AGBL4: variants seen among roughly 807,000 people sequenced by gnomAD.
The protein encoded by AGBL4 is AGBL carboxypeptidase 4.
Under a neutral mutation model 66.4 loss-of-function variants are expected in AGBL4, and 58 were observed. The observed-to-expected ratio is 0.87, with a 90% confidence interval of 0.71 to 1.09. The LOEUF is 1.09. Ranked by LOEUF, AGBL4 falls within the 50% of genes least tolerant of loss-of-function variation. AGBL4 has a pLI of 0.00. For synonymous variants in AGBL4, 234 were observed against 222.9 expected, an observed-to-expected ratio of 1.05 and a Z score of -0.44; for missense variants, 579 against 631.0, an observed-to-expected ratio of 0.92 and a Z score of 0.88.
chr1:49,715,708 A>G (rs754478787), intron 2 of AGBL4, among the ~76,000 whole-genome samples: 4 of 152,194 alleles, frequency 2.6e-5, no homozygotes, highest in Non-Finnish European at 5.9e-5. Flanking sequence ...TCTAATGACC[A>G]GTGATGATGA....
intron 4 of AGBL4, among the ~76,000 whole-genome samples, chr1:49,094,599 T>C (rs1460573109): frequency 6.6e-6 from 1 of 152,142 alleles, no homozygotes; most frequent in Non-Finnish European, 1.5e-5. Flanking sequence ...CAGTATTTTA[T>C]TGAGGATTTT....
chr1:49,991,353 A>G (rs1231681774), intron 1 of AGBL4, among the ~76,000 whole-genome samples: 2 of 152,146 alleles, frequency 1.3e-5, no homozygotes, highest in East Asian at 3.8e-4. Context: ...CTATATTTCA[A>G]TATATGTATA....
intron 1 of AGBL4, among the ~76,000 whole-genome samples, chr1:50,014,536 CTTTTTTTTTTTTTTTT>C (rs886696766): frequency 9.2e-6 from 1 of 109,028 alleles, no homozygotes; most frequent in Admixed American, 9.6e-5. Flanking sequence ...CAGAGGATTT[CTTTTTTTTTTTTTTTT>C]TTTTTTGGAG....
chr1:49,751,746 C>A (rs191730450), intron 2 of AGBL4, among the ~76,000 whole-genome samples: 1 of 152,230 alleles, frequency 6.6e-6, no homozygotes, highest in Non-Finnish European at 1.5e-5. Flanking sequence ...TAATTACTGC[C>A]TCAATTTCAG....
At chr1:49,619,232 C>A (rs1292055300) in intron 3 of AGBL4, among the ~76,000 whole-genome samples, 1 of 152,128 alleles carries the variant, frequency 6.6e-6, no homozygotes, top group African/African-American at 2.4e-5. Context: ...ATCGTCTCAG[C>A]CAAAAATCTT....
chr1:49,862,661 T>C (rs1646602959), intron 1 of AGBL4, among the ~76,000 whole-genome samples: 1 of 151,762 alleles, frequency 6.6e-6, no homozygotes, highest in South Asian at 2.1e-4. Context: ...AGGAAACAAA[T>C]AAATACAGTG....
At position 49,171,740 on chromosome 1, in the gene AGBL4, C is replaced by T. The variant is rs528783229; in HGVS notation, c.377+74030G>A. Among the ~76,000 whole-genome samples the T allele has an allele frequency of 1.6e-3, 242 of 152,218 alleles. 4 individuals are homozygous for T. The highest frequency in any genetic ancestry group is 5.7e-3 in the African/African-American group (235 of 41,536). ...TCTTTCTCCAGTACCTTTGTATATC[C>T]TTCAGGGAGACACTCACTTTTTCCT... On this transcript the variant is annotated intron_variant, in intron 4 of 13. Transcript: ENST00000371839.
intron 3 of AGBL4, among the ~76,000 whole-genome samples, chr1:49,457,165 G>A (rs1009171826): frequency 6.6e-6 from 1 of 151,706 alleles, no homozygotes; most frequent in East Asian, 1.9e-4. Flanking sequence ...TTCCATAGTG[G>A]TTGTACTAGT....
intron 1 of AGBL4, among the ~76,000 whole-genome samples, chr1:49,996,960 C>A (rs1660411132): frequency 6.6e-6 from 1 of 152,100 alleles, no homozygotes; most frequent in Non-Finnish European, 1.5e-5. Context: ...TCCAGTGAAA[C>A]TAAACTTCGT....
chr1:48,813,229 G>T (rs1646097904), intron 6 of AGBL4, among the ~76,000 whole-genome samples: 1 of 152,158 alleles, frequency 6.6e-6, no homozygotes, highest in Non-Finnish European at 1.5e-5. Context: ...AGAGGGAGTG[G>T]ATTAGGAAGT....
At chr1:49,256,545 A>T (rs1381532342) in intron 3 of AGBL4, among the ~76,000 whole-genome samples, 1 of 152,216 alleles carries the variant, frequency 6.6e-6, no homozygotes, top group African/African-American at 2.4e-5. Flanking sequence ...TGTTAAGTAA[A>T]TGGAAAAATC....
chr1:49,460,875 C>T (rs1646496733), intron 3 of AGBL4, among the ~76,000 whole-genome samples: 1 of 151,676 alleles, frequency 6.6e-6, no homozygotes, highest in Non-Finnish European at 1.5e-5. Context: ...TCACTGCATA[C>T]AAAATTCTTG....
At chr1:48,768,942 T>C (rs916880671) in intron 6 of AGBL4, among the ~76,000 whole-genome samples, 1 of 152,184 alleles carries the variant, frequency 6.6e-6, no homozygotes, top group African/African-American at 2.4e-5. Context: ...GTTTCAAGGA[T>C]TGTACCCAGC....
intron 3 of AGBL4, among the ~76,000 whole-genome samples, chr1:49,494,516 T>C (rs1307863356): frequency 1.3e-5 from 2 of 151,826 alleles, no homozygotes; most frequent in Admixed American, 6.6e-5. Flanking sequence ...TGAGTGAGAA[T>C]ATGTGGTGTT....
chr1:49,271,314 C>G (rs1473317031), intron 3 of AGBL4, among the ~76,000 whole-genome samples: 2 of 151,908 alleles, frequency 1.3e-5, no homozygotes. Flanking sequence ...CACCATTGCA[C>G]ATAAAACTTT....
chr1:48,749,401 A>C (rs1651299445), intron 6 of AGBL4, among the ~76,000 whole-genome samples: 1 of 152,162 alleles, frequency 6.6e-6, no homozygotes, highest in Non-Finnish European at 1.5e-5. Context: ...TAGCGAAAGA[A>C]GTTAATCCTT....
Position 48,678,059 on chromosome 1 carries a change from G to A in AGBL4, c.635-14818C>T, listed in dbSNP as rs1279504898. Among the ~76,000 whole-genome samples the A allele has an allele frequency of 2.0e-5, 3 of 152,178 alleles. No homozygotes were observed. In the East Asian group the frequency reaches 5.8e-4, roughly 29 times the overall value. Reference sequence around the variant, plus strand: ...GAAGCAGGTGTCAGTTGGCTGTGCTGCCGAAGTACCTCGGGAGCTCTGATG... The same window carrying A: ...GAAGCAGGTGTCAGTTGGCTGTGCTACCGAAGTACCTCGGGAGCTCTGATG... On this transcript the variant is annotated intron_variant, in intron 6 of 13. Coordinates refer to ENST00000371839, the MANE Select transcript of AGBL4 (RefSeq NM_032785.4).
intron 5 of AGBL4, among the ~76,000 whole-genome samples, chr1:48,909,606 C>G (rs1441066597): frequency 6.6e-6 from 1 of 152,052 alleles, no homozygotes; most frequent in Non-Finnish European, 1.5e-5. Flanking sequence ...ATTTTTTCCT[C>G]AAGTAATAAC....
intron 4 of AGBL4, among the ~76,000 whole-genome samples, chr1:49,065,618 AC>A (rs554928132): frequency 2.8e-4 from 43 of 152,204 alleles, no homozygotes; most frequent in Non-Finnish European, 5.3e-4. Context: ...CATATGCTCT[AC>A]TTTCTCCAAA....
Sources: gnomAD v4.1 joint callset for allele counts (sites outside exome capture counted in the v4.1 genomes callset) on GRCh38, gnomAD v4.1.1 for gene constraint, MANE v1.5 for transcripts, NCBI Gene and HGNC (gene_info 2026-07-23, HGNC 2026-07-21) for gene names.